Variants in FGGY observed in about 807,000 individuals in gnomAD.
The protein encoded by FGGY is FGGY carbohydrate kinase domain containing, also known as FGGY carbohydrate kinase domain-containing protein.
Under a neutral mutation model 71.3 loss-of-function variants are expected in FGGY, and 72 were observed. That is an observed-to-expected ratio of 1.01 (90% CI 0.84 to 1.23). The LOEUF (loss-of-function observed/expected upper bound fraction) is 1.23. Among genes scored for constraint, FGGY ranks in the 50% most tolerant of loss-of-function variants. FGGY has a pLI of 0.00. For synonymous variants in FGGY, 251 were observed against 250.3 expected, an observed-to-expected ratio of 1.00 and a Z score of -0.02; for missense variants, 668 against 682.3, an observed-to-expected ratio of 0.98 and a Z score of 0.23.
At chr1:59,569,989 A>T (rs770238563) in intron 8 of FGGY, among the ~76,000 whole-genome samples, 6 of 152,174 alleles carry the variant, frequency 3.9e-5, no homozygotes, top group Non-Finnish European at 4.4e-5. Flanking sequence ...TGTCTGGTTC[A>T]TTGCAGAAGA....
intron 14 of FGGY, among the ~76,000 whole-genome samples, chr1:59,753,446 G>GATTTTTTTTTTTTGATAAAAAAAGTTATA (rs2098262727): frequency 8.1e-6 from 1 of 124,204 alleles, no homozygotes; most frequent in African/African-American, 3.0e-5. Context: ...CATTTTGACT[G>GATTTTTTTTTTTTGATAAAAAAAGTTATA]TCTTTATAAG....
At chr1:59,701,054 T>C (rs962021775) in intron 14 of FGGY, among the ~76,000 whole-genome samples, 2 of 152,218 alleles carry the variant, frequency 1.3e-5, no homozygotes, top group Admixed American at 1.3e-4. Flanking sequence ...TCTCAGACTC[T>C]AGTTTCACTG....
chr1:59,699,225 C>G (rs1573401400), intron 14 of FGGY: 1 of 985,010 alleles, frequency 1.0e-6, no homozygotes, highest in Non-Finnish European at 1.2e-6. Flanking sequence ...GATTTTTTTT[C>G]TGGCTAAAAA....
chr1:59,724,690 G>T (rs2097926153), intron 14 of FGGY, among the ~76,000 whole-genome samples: 1 of 152,138 alleles, frequency 6.6e-6, no homozygotes, highest in Admixed American at 6.5e-5. Flanking sequence ...GTTTATAGAT[G>T]AATGTCACTG....
chr1:59,581,348 C>T (rs2096191544), intron 8 of FGGY, among the ~76,000 whole-genome samples: 1 of 150,180 alleles, frequency 6.7e-6, no homozygotes, highest in South Asian at 2.1e-4. Flanking sequence ...ACCTGGATAT[C>T]AAATTATCTC....
intron 14 of FGGY, among the ~76,000 whole-genome samples, chr1:59,743,439 A>C (rs1393304523): frequency 2.0e-5 from 3 of 152,196 alleles, no homozygotes; most frequent in Admixed American, 6.5e-5. Flanking sequence ...CACAATAAGT[A>C]CTCAATAAGT....
intron 12 of FGGY, among the ~76,000 whole-genome samples, chr1:59,664,700 G>T (rs142334754): frequency 6.6e-6 from 1 of 152,310 alleles, no homozygotes; most frequent in African/African-American, 2.4e-5. Flanking sequence ...CTATTAAAGT[G>T]CATAGCAGAG....
At chr1:59,314,575 AC>A (rs35307564) in intron 1 of FGGY, among the ~76,000 whole-genome samples, 1 of 152,200 alleles carries the variant, frequency 6.6e-6, no homozygotes, top group Non-Finnish European at 1.5e-5. Context: ...GAAGAGACTT[AC>A]CCCAAGTGAG....
intron 8 of FGGY, among the ~76,000 whole-genome samples, chr1:59,606,538 AG>A (rs1015806903): frequency 3.9e-5 from 6 of 151,910 alleles, no homozygotes; most frequent in African/African-American, 1.5e-4. Flanking sequence ...TTTTTTTTTC[AG>A]GGGAAACAGG....
At chr1:59,747,343 C>G (rs75591270) in intron 14 of FGGY, among the ~76,000 whole-genome samples, 2,455 of 152,308 alleles carry the variant, frequency 0.016, 108 homozygotes, top group East Asian at 0.13. Context: ...CAGAGTATCA[C>G]AACAGAGGTT....
chr1:59,683,759 C>A (rs2097523933), intron 14 of FGGY, among the ~76,000 whole-genome samples: 1 of 152,180 alleles, frequency 6.6e-6, no homozygotes, highest in South Asian at 2.1e-4. Context: ...ATCTTCTTCC[C>A]TTATCTCATT....
At chr1:59,507,101 T>A (rs1331196937) in intron 6 of FGGY, among the ~76,000 whole-genome samples, 1 of 152,156 alleles carries the variant, frequency 6.6e-6, no homozygotes, top group Non-Finnish European at 1.5e-5. Flanking sequence ...CTCAGCCACA[T>A]GGTTGAAGAG....
intron 4 of FGGY, among the ~76,000 whole-genome samples, chr1:59,371,542 C>G (rs1447134994): frequency 6.6e-6 from 1 of 152,198 alleles, no homozygotes; most frequent in Non-Finnish European, 1.5e-5. Flanking sequence ...GAACTCAGCT[C>G]TGCAACAAGC....
intron 1 of FGGY, among the ~76,000 whole-genome samples, chr1:59,307,021 A>C (rs2043537803): frequency 6.6e-6 from 1 of 152,150 alleles, no homozygotes; most frequent in African/African-American, 2.4e-5. Context: ...AAGTCTATAA[A>C]ATGAAGAATG....
chr1:59,299,989 A>G (rs1156729859), intron 1 of FGGY, among the ~76,000 whole-genome samples: 1 of 152,222 alleles, frequency 6.6e-6, no homozygotes, highest in African/African-American at 2.4e-5. Flanking sequence ...AGAATTGAAC[A>G]TACTGACATA....
chr1:59,590,134 C>A (rs2096400771), intron 8 of FGGY, among the ~76,000 whole-genome samples: 2 of 152,104 alleles, frequency 1.3e-5, no homozygotes. Context: ...GAAATACAAA[C>A]CACCATCAGA....
At chr1:59,625,336 G>A (rs2096845998) in intron 9 of FGGY, among the ~76,000 whole-genome samples, 1 of 152,058 alleles carries the variant, frequency 6.6e-6, no homozygotes, top group African/African-American at 2.4e-5. Context: ...CCTAGACCTG[G>A]GATTTCAAAT....
Position 59,336,703 on chromosome 1 carries a change from C to G in FGGY, c.202-3255C>G, listed in dbSNP as rs902470453. ...GTTGCCCTCCCTGTGTCCATGTGTT[C>G]TCATTGTTCAACTCCCACTTATGAG... On this transcript the variant is annotated intron_variant, in intron 2 of 15. Transcript: ENST00000303721. Among the ~76,000 whole-genome samples the G allele has an allele frequency of 1.3e-5, 2 of 151,868 alleles. 1 individual carries two copies. Among genetic ancestry groups the G allele is most frequent in the African/African-American group, 4.8e-5 (2 of 41,346 alleles).
chr1:59,731,049 G>A (rs528074538), intron 14 of FGGY, among the ~76,000 whole-genome samples: 49 of 152,326 alleles, frequency 3.2e-4, no homozygotes, highest in African/African-American at 1.2e-3. Flanking sequence ...TGAGGCCAAG[G>A]TCCATTTTCT....
Sources: gnomAD v4.1 joint callset for allele counts (sites outside exome capture counted in the v4.1 genomes callset) on GRCh38, gnomAD v4.1.1 for gene constraint, MANE v1.5 for transcripts, NCBI Gene and HGNC (gene_info 2026-07-23, HGNC 2026-07-21) for gene names.